PRR5L: variants seen among roughly 807,000 people sequenced by gnomAD.
PRR5L encodes the protein proline rich 5 like.
In PRR5L, 21 loss-of-function variants were observed where a neutral mutation model predicts 36.4. That is an observed-to-expected ratio of 0.58 (90% CI 0.41 to 0.83). PRR5L has a LOEUF of 0.83. Among genes scored for constraint, PRR5L ranks in the 40% least tolerant of loss-of-function variants. The pLI, the probability that PRR5L is intolerant of heterozygous loss-of-function variation, is 0.00. For missense variants in PRR5L, 381 were observed against 473.3 expected, an observed-to-expected ratio of 0.80 and a Z score of 1.81; for synonymous variants, 188 against 197.0, an observed-to-expected ratio of 0.95 and a Z score of 0.38.
intron 1 of PRR5L, among the ~76,000 whole-genome samples, chr11:36,311,388 G>GGCTA (rs1856501159): frequency 6.6e-6 from 1 of 152,204 alleles, no homozygotes; most frequent in South Asian, 2.1e-4. Flanking sequence ...TGGTAGAGTG[G>GGCTA]GCTATTGCTT....
chr11:36,367,530 C>T (rs1186342117), intron 1 of PRR5L, among the ~76,000 whole-genome samples: 1 of 152,190 alleles, frequency 6.6e-6, no homozygotes, highest in Admixed American at 6.5e-5. Context: ...ACTACCAGGT[C>T]TCAGTCCAAA....
At chr11:36,426,508 T>G (rs2422251) in intron 4 of PRR5L, among the ~76,000 whole-genome samples, 34,140 of 152,094 alleles carry the variant, frequency 0.22, 4,154 homozygotes, top group East Asian at 0.38. Context: ...GTCAACAAGG[T>G]ATAAGTATTT....
intron 5 of PRR5L, among the ~76,000 whole-genome samples, chr11:36,435,976 G>A (rs1042088786): frequency 2.6e-5 from 4 of 152,254 alleles, no homozygotes; most frequent in Non-Finnish European, 4.4e-5. Context: ...AGACAGAGAA[G>A]AAGTGAATAA....
chr11:36,299,345 C>G (rs1856348357), intron 1 of PRR5L, among the ~76,000 whole-genome samples: 1 of 152,166 alleles, frequency 6.6e-6, no homozygotes, highest in African/African-American at 2.4e-5. Flanking sequence ...GGAGGCCAAT[C>G]TTGGAGGGTG....
At chr11:36,444,998 A>C (rs183294964) in intron 6 of PRR5L, among the ~76,000 whole-genome samples, 10 of 152,358 alleles carry the variant, frequency 6.6e-5, no homozygotes, top group African/African-American at 2.4e-4. Flanking sequence ...AACCCAGTCA[A>C]AGTCTCTCAT....
intron 3 of PRR5L, among the ~76,000 whole-genome samples, chr11:36,418,596 A>T (rs1051573446): frequency 1.3e-5 from 2 of 152,084 alleles, no homozygotes; most frequent in Non-Finnish European, 2.9e-5. Flanking sequence ...GGAGATCGAG[A>T]CCATCCTGGC....
At chr11:36,403,217 C>T in intron 2 of PRR5L, 81 bp from the exon 3 acceptor site, 1 of 1,232,516 alleles carries the variant, frequency 8.1e-7, no homozygotes, top group Non-Finnish European at 1.2e-6. Context: ...GGTCACTCCA[C>T]ACACCTTCAG....
intron 4 of PRR5L, among the ~76,000 whole-genome samples, chr11:36,429,710 A>C (rs1479340687): frequency 2.6e-5 from 4 of 152,150 alleles, no homozygotes; most frequent in Non-Finnish European, 5.9e-5. Context: ...CCATGCACAG[A>C]ATGCTAAGGG....
rs564974639 is a variant in PRR5L, at chr11:36,369,835, G to A, written c.-125-31162G>A. On this transcript the variant is annotated intron_variant, in intron 1 of 8. Coordinates refer to ENST00000530639, the MANE Select transcript of PRR5L (RefSeq NM_001160167.2). ...TGGTCTTGAACTCCTGACCTCAGGT[G>A]ATCCACCCGCCTTGGCCTCCCAAAA... is the stretch of plus-strand genomic sequence containing the variant. Among the ~76,000 whole-genome samples the A allele has an allele frequency of 2.6e-5, 4 of 152,280 alleles. No individual in the cohort carries two copies. The East Asian group carries it at 7.7e-4, about 29-fold the overall frequency.
At chr11:36,383,841 G>A (rs914922633) in intron 1 of PRR5L, among the ~76,000 whole-genome samples, 24 of 151,860 alleles carry the variant, frequency 1.6e-4, no homozygotes, top group African/African-American at 4.6e-4. Context: ...AATTACAGGC[G>A]CCTGCCACCA....
chr11:36,423,000 T>C (rs1222997619), intron 4 of PRR5L, among the ~76,000 whole-genome samples: 4 of 152,154 alleles, frequency 2.6e-5, no homozygotes, highest in Non-Finnish European at 5.9e-5. Flanking sequence ...AGCATGGGTG[T>C]GTTTGCAGAT....
chr11:36,426,838 A>G (rs76081341), intron 4 of PRR5L, among the ~76,000 whole-genome samples: 2,623 of 152,268 alleles, frequency 0.017, 40 homozygotes, highest in South Asian at 0.028. Context: ...GTGTTTACAG[A>G]ATTCCTGCTT....
intron 3 of PRR5L, among the ~76,000 whole-genome samples, chr11:36,413,386 G>A (rs577394895): frequency 6.6e-6 from 1 of 152,274 alleles, no homozygotes; most frequent in Admixed American, 6.5e-5. Flanking sequence ...ACTTACTCCT[G>A]CGATTCTTTC....
Position 36,343,332 on chromosome 11 carries a change from C to A in PRR5L, c.-126+46894C>A, listed in dbSNP as rs145433568. Among the ~76,000 whole-genome samples the A allele has an allele frequency of 1.5e-4, 23 of 152,220 alleles. No homozygotes were observed. In the East Asian group the frequency reaches 4.4e-3, roughly 29 times the overall value. On this transcript the variant is annotated intron_variant, in intron 1 of 8. Coordinates refer to ENST00000530639, the MANE Select transcript of PRR5L (RefSeq NM_001160167.2). ...GACAAAAAGTATTGTTAGTGTCTAC[C>A]CTGTGTGAAAAGTATATAAGACGCC...
At chr11:36,393,507 A>C (rs2133546496) in intron 1 of PRR5L, among the ~76,000 whole-genome samples, 1 of 152,202 alleles carries the variant, frequency 6.6e-6, no homozygotes, top group Non-Finnish European at 1.5e-5. Flanking sequence ...ATTTGTTTCT[A>C]GGTTCTCTAT....
At chr11:36,348,888 G>A (rs1251825275) in intron 1 of PRR5L, among the ~76,000 whole-genome samples, 1 of 152,176 alleles carries the variant, frequency 6.6e-6, no homozygotes, top group Admixed American at 6.5e-5. Flanking sequence ...TATAGTAAAA[G>A]ATTTGTTCTT....
At chr11:36,399,044 A>T (rs1390246833) in intron 1 of PRR5L, among the ~76,000 whole-genome samples, 1 of 152,218 alleles carries the variant, frequency 6.6e-6, no homozygotes, top group Non-Finnish European at 1.5e-5. Flanking sequence ...TGGGTGAGTT[A>T]AATCCCAAAG....
intron 1 of PRR5L, among the ~76,000 whole-genome samples, chr11:36,390,003 C>T (rs947509853): frequency 6.6e-6 from 1 of 152,202 alleles, no homozygotes; most frequent in African/African-American, 2.4e-5. Flanking sequence ...GGAATTCCTG[C>T]TTCACTAGGC....
chr11:36,346,966 C>A (rs34314432), intron 1 of PRR5L, among the ~76,000 whole-genome samples: 3 of 152,156 alleles, frequency 2.0e-5, no homozygotes, highest in South Asian at 2.1e-4. Flanking sequence ...TGGCTGTGTT[C>A]CAATAAAACT....
Sources: allele counts gnomAD v4.1 joint callset (sites outside exome capture counted in the v4.1 genomes callset), GRCh38; gene constraint gnomAD v4.1.1; transcripts MANE v1.5; gene names NCBI Gene and HGNC (gene_info 2026-07-23, HGNC 2026-07-21).